GSG1L: variants seen among roughly 807,000 people sequenced by gnomAD.
GSG1L encodes germ cell-specific gene 1-like protein.
In GSG1L, 24 loss-of-function variants were observed where a neutral mutation model predicts 42.1. The ratio of observed to expected loss-of-function variants is 0.57; its 90% CI spans 0.41 to 0.80. GSG1L has a LOEUF of 0.80. Ranked by LOEUF, GSG1L falls within the 30% of genes least tolerant of loss-of-function variation. GSG1L has a pLI of 0.00. For missense variants in GSG1L, 445 were observed against 472.2 expected (o/e 0.94, Z 0.53); for synonymous variants, 215 against 203.5 (o/e 1.06, Z -0.48).
At position 27,828,934 on chromosome 16, in the gene GSG1L, A is replaced by T. The variant is rs1427386191; in HGVS notation, c.685T>A (p.Cys229Ser). ...SFCLAWGSFT[C>S]CMAASVTTLN... ...GTGGTGACAGAGGCTGCCATGCAGC[A>T]GGTAAAGGAGCCCCACGCCAGGCTG... The change falls in exon 5 of 7, where the codon TGC becomes AGC. Residue 229 changes from cysteine (C) to serine (S), a missense_variant. Cys to Ser is a moderately radical substitution (Grantham distance 112, BLOSUM62 -1). Transcript: ENST00000447459. The T allele has an allele frequency of 1.2e-6, 2 of 1,614,208 alleles. No individual in the cohort carries two copies. Among genetic ancestry groups the T allele is most frequent in the Admixed American group, 3.3e-5 (2 of 60,028 alleles).
chr16:27,908,723 GA>G (rs1482877762), intron 2 of GSG1L, among the ~76,000 whole-genome samples: 2 of 152,164 alleles, frequency 1.3e-5, no homozygotes, highest in African/African-American at 4.8e-5. Flanking sequence ...GAGCCCTCCT[GA>G]CCTAAACACT....
chr16:27,833,950 T>A (rs1199670468), intron 4 of GSG1L, among the ~76,000 whole-genome samples: 1 of 152,188 alleles, frequency 6.6e-6, no homozygotes, highest in Non-Finnish European at 1.5e-5. Flanking sequence ...TCTTATGTAT[T>A]GCATGTCTTT....
chr16:27,829,528 C>G (rs911326429), intron 4 of GSG1L, among the ~76,000 whole-genome samples: 3 of 152,104 alleles, frequency 2.0e-5, no homozygotes, highest in Admixed American at 6.5e-5. Flanking sequence ...AGATGCCAAC[C>G]CTTTCTGTTT....
intron 2 of GSG1L, among the ~76,000 whole-genome samples, chr16:27,917,409 G>C (rs2084470494): frequency 6.6e-6 from 1 of 151,936 alleles, no homozygotes; most frequent in South Asian, 2.1e-4. Context: ...AAGGATGTAG[G>C]GGGAATGAGC....
rs140000448 is a variant in GSG1L, at chr16:28,043,629, G to A, written c.349+19447C>T. On this transcript the variant is annotated intron_variant, in intron 1 of 6. Transcript: ENST00000447459. Reference sequence around the variant, plus strand: ...AAAAGTACACTTAAAATGTAAAAGTGTACCCAGAACACTGACAACATCAAA... The same window carrying A: ...AAAAGTACACTTAAAATGTAAAAGTATACCCAGAACACTGACAACATCAAA... Among the ~76,000 whole-genome samples the A allele has an allele frequency of 1.3e-3, 191 of 152,340 alleles. 1 individual carries two copies. The highest frequency in any genetic ancestry group is 4.4e-3 in the African/African-American group (185 of 41,590).
chr16:28,009,553 C>T (rs918666640), intron 1 of GSG1L, among the ~76,000 whole-genome samples: 13 of 152,322 alleles, frequency 8.5e-5, no homozygotes, highest in East Asian at 1.9e-4. Flanking sequence ...TAGCACAGGG[C>T]GCGGGCTCAT....
At chr16:27,962,560 G>A (rs946426683) in intron 2 of GSG1L, among the ~76,000 whole-genome samples, 1 of 152,138 alleles carries the variant, frequency 6.6e-6, no homozygotes, top group African/African-American at 2.4e-5. Flanking sequence ...AGTTCCTTAG[G>A]GTCACTATTA....
At chr16:28,010,919 G>C (rs1368513901) in intron 1 of GSG1L, among the ~76,000 whole-genome samples, 1 of 152,118 alleles carries the variant, frequency 6.6e-6, no homozygotes, top group African/African-American at 2.4e-5. Flanking sequence ...TCTCCCCTGT[G>C]CCAGCCTCAG....
At chr16:27,853,197 C>T (rs1333119513) in intron 3 of GSG1L, among the ~76,000 whole-genome samples, 1 of 152,244 alleles carries the variant, frequency 6.6e-6, no homozygotes, top group Non-Finnish European at 1.5e-5. Context: ...TTGGTCACGA[C>T]GGAGACCAAA....
intron 2 of GSG1L, among the ~76,000 whole-genome samples, chr16:27,906,471 C>T (rs9933383): frequency 0.24 from 35,866 of 152,002 alleles, 4,476 homozygotes; most frequent in Non-Finnish European, 0.27. Flanking sequence ...TGGTTCTTAC[C>T]CCGCTTCCCT....
chr16:27,801,771 G>C (rs1352733314), intron 6 of GSG1L, among the ~76,000 whole-genome samples: 4 of 152,144 alleles, frequency 2.6e-5, no homozygotes, highest in African/African-American at 7.2e-5. Flanking sequence ...AGACCGGCCG[G>C]GTTCAAATCC....
intron 4 of GSG1L, among the ~76,000 whole-genome samples, chr16:27,841,291 G>T (rs545894580): frequency 2.0e-5 from 3 of 152,164 alleles, no homozygotes; most frequent in Non-Finnish European, 4.4e-5. Context: ...GCCCCTCCAC[G>T]CTGCCACAGT....
At chr16:28,004,132 G>C (rs748928095) in intron 1 of GSG1L, among the ~76,000 whole-genome samples, 2 of 152,182 alleles carry the variant, frequency 1.3e-5, no homozygotes, top group South Asian at 2.1e-4. Context: ...AGGGTGGTGA[G>C]TGGGGGCTGA....
chr16:27,836,789 G>C (rs1249850615), intron 4 of GSG1L, among the ~76,000 whole-genome samples: 1 of 152,084 alleles, frequency 6.6e-6, no homozygotes. Context: ...TTTTTATGAT[G>C]ATTTTTAACA....
chr16:27,938,920 T>A (rs2084752449), intron 2 of GSG1L, among the ~76,000 whole-genome samples: 2 of 152,128 alleles, frequency 1.3e-5, no homozygotes, highest in African/African-American at 4.8e-5. Context: ...CTGAATGTGT[T>A]CCAGCCTCCC....
intron 1 of GSG1L, among the ~76,000 whole-genome samples, chr16:27,975,454 T>C (rs956424039): frequency 6.6e-6 from 1 of 152,176 alleles, no homozygotes; most frequent in African/African-American, 2.4e-5. Context: ...TCTTCCATAG[T>C]GAGACCACCA....
intron 3 of GSG1L, among the ~76,000 whole-genome samples, chr16:27,866,582 A>G (rs1422733720): frequency 6.6e-6 from 1 of 151,600 alleles, no homozygotes; most frequent in East Asian, 1.9e-4. Flanking sequence ...TTCTTTTTTA[A>G]TTTTTTCGAG....
intron 2 of GSG1L, among the ~76,000 whole-genome samples, chr16:27,918,136 A>T (rs1158949563): frequency 6.6e-6 from 1 of 152,174 alleles, no homozygotes; most frequent in Non-Finnish European, 1.5e-5. Flanking sequence ...ATTTCATTGT[A>T]TTGCATAACC....
At chr16:28,031,868 G>C (rs2085968198) in intron 1 of GSG1L, among the ~76,000 whole-genome samples, 1 of 152,250 alleles carries the variant, frequency 6.6e-6, no homozygotes, top group Non-Finnish European at 1.5e-5. Context: ...GGGCCTGAGA[G>C]CAGCCACTCC....
Sources: allele counts gnomAD v4.1 joint callset (sites outside exome capture counted in the v4.1 genomes callset), GRCh38; gene constraint gnomAD v4.1.1; transcripts MANE v1.5; gene names NCBI Gene and HGNC (gene_info 2026-07-23, HGNC 2026-07-21).